FMR1: variants seen among roughly 807,000 people sequenced by gnomAD.
FMR1 encodes fragile X messenger ribonucleoprotein 1, also known as FMRP translational regulator 1.
A neutral mutation model predicts 50.6 loss-of-function variants in FMR1; 13 were observed. The observed-to-expected ratio is 0.26, with a 90% confidence interval of 0.17 to 0.41. The LOEUF (loss-of-function observed/expected upper bound fraction) is 0.41, where lower values mean the gene tolerates loss of function less well. Ranked by LOEUF, FMR1 falls within the 10% of genes least tolerant of loss-of-function variation. The pLI, the probability that FMR1 is intolerant of heterozygous loss-of-function variation, is 1.00. For missense variants in FMR1, 316 were observed against 491.3 expected, an observed-to-expected ratio of 0.64 and a Z score of 3.37; for synonymous variants, 138 against 164.1, an observed-to-expected ratio of 0.84 and a Z score of 1.22.
intron 1 of FMR1, among the ~76,000 whole-genome samples, chrX:147,917,660 A>G (rs1283998164): frequency 1.2e-4 from 13 of 112,025 alleles, no homozygotes; most frequent in African/African-American, 4.2e-4. Flanking sequence ...TCCAAATGCA[A>G]AAACATTTAT....
intron 1 of FMR1, among the ~76,000 whole-genome samples, chrX:147,920,297 G>C (rs2043095862): frequency 9.0e-6 from 1 of 111,474 alleles, no homozygotes; most frequent in African/African-American, 3.3e-5. Context: ...GAATTGTCTT[G>C]GCTTCTTTGT....
chrX:147,923,060 T>C (rs2043241504), intron 2 of FMR1, among the ~76,000 whole-genome samples: 1 of 112,112 alleles, frequency 8.9e-6, no homozygotes, highest in Non-Finnish European at 1.9e-5. Context: ...CACATCTTGC[T>C]TCTAAAGTTT....
intron 9 of FMR1, 71 bp from the exon 10 acceptor site, chrX:147,936,433 T>C (rs2043793551): frequency 1.6e-6 from 1 of 633,661 alleles, no homozygotes; most frequent in South Asian, 2.3e-5. Context: ...TGTAATAGTT[T>C]ACAGTAGGGC....
At chrX:147,926,280 T>G (rs782505258) in intron 3 of FMR1, among the ~76,000 whole-genome samples, 1 of 111,709 alleles carries the variant, frequency 9.0e-6, no homozygotes, top group East Asian at 2.8e-4. Flanking sequence ...TCATATAGTT[T>G]GTGTGGTATC....
In FMR1 at chrX:147,937,469, A is replaced by G; in HGVS notation, c.994A>G (p.Ile332Val). The G allele has an allele frequency of 8.4e-7, 1 of 1,196,307 alleles. No individual in the cohort carries two copies. Among genetic ancestry groups the G allele is most frequent in the Non-Finnish European group, 1.1e-6 (1 of 881,828 alleles). Reference sequence around the variant, plus strand: ...GTGTTTTCTGTTTTTTACCAAGGAAATTATGCCACCAAATTCCCTTCCTTC... The same window carrying G: ...GTGTTTTCTGTTTTTTACCAAGGAAGTTATGCCACCAAATTCCCTTCCTTC... ...NEKNVPQEEE[I>V]MPPNSLPSNN... Residue 332 changes from isoleucine (I) to valine (V), a missense_variant, in exon 11 of 17, where the codon ATT (isoleucine) becomes GTT (valine). By Grantham distance (29) the Ile-to-Val change is conservative (BLOSUM62 3). This residue lies in a region of FMR1 where 53 missense variants were observed against 51.5 expected (regional missense o/e 1.03). Transcript: ENST00000370475.
rs139271518 is a variant in FMR1, at chrX:147,946,457, G to A, written c.1737+841G>A. On this transcript the variant is annotated intron_variant, in intron 16 of 16. Coordinates refer to ENST00000370475, the MANE Select transcript of FMR1 (RefSeq NM_002024.6). ...TAGTCCGAGGATCTCTTCTCAATTG[G>A]CTGTCACCAGTGCTAAACCAATTGT... 5.3e-5 allele frequency among the ~76,000 whole-genome samples: 6 copies of A among 112,225 alleles called. No homozygotes were observed. The East Asian group carries it at 1.7e-3, about 31-fold the overall frequency.
At chrX:147,937,633 C>T in intron 11 of FMR1, 33 bp downstream of exon 11, 1 of 693,048 alleles carries the variant, frequency 1.4e-6, no homozygotes, top group Non-Finnish European at 2.4e-6. Flanking sequence ...AATTACAATA[C>T]AAGTAATTTG....
Position 147,949,689 on chromosome X carries a change from G to C in FMR1, c.*845G>C, listed in dbSNP as rs2044275404. 2 of 327,606 alleles carry C rather than the reference G, an allele frequency of 6.1e-6. No homozygotes were observed. Among genetic ancestry groups the C allele is most frequent in the African/African-American group, 2.7e-5 (1 of 37,542 alleles). The allele number at this position is 327,606 out of a possible 1,213,427, so 27.0% of individuals were successfully genotyped here. On this transcript the variant is annotated 3_prime_UTR_variant, in exon 17 of 17. Transcript: ENST00000370475. Reference sequence around the variant, plus strand: ...AAGAAAGAACTATCTTCATCTGAGAGAGGCTAAAATGTTTTCAGCTAGGAA... The same window carrying C: ...AAGAAAGAACTATCTTCATCTGAGACAGGCTAAAATGTTTTCAGCTAGGAA...
At chrX:147,917,904 A>G (rs991687884) in intron 1 of FMR1, among the ~76,000 whole-genome samples, 1 of 111,609 alleles carries the variant, frequency 9.0e-6, no homozygotes, top group Admixed American at 9.5e-5. Context: ...ACCGTTAACC[A>G]CTAAGTACAC....
In FMR1 at chrX:147,925,600, T is replaced by C; in HGVS notation, c.165T>C (p.Tyr55=). The change falls in exon 3 of 17, where the codon TAT becomes TAC. Residue 55 remains tyrosine, a synonymous_variant. Transcript: ENST00000370475. ...HDVRFPPPVG[Y]NKDINESDEV... ...TCAGATTCCCACCTCCTGTAGGTTATAATAAAGATATAAATGAAAGTGATG... is the reference window on the plus strand; with the variant it reads ...TCAGATTCCCACCTCCTGTAGGTTACAATAAAGATATAAATGAAAGTGATG... 8.3e-7 allele frequency: 1 copy of C among 1,201,010 alleles called. No homozygotes were observed. The highest frequency in any genetic ancestry group is 1.1e-6 in the Non-Finnish European group (1 of 885,704).
At chrX:147,940,160 CAAAAA>C (rs782591628) in intron 12 of FMR1, 3 of 31,914 alleles carry the variant, frequency 9.4e-5, no homozygotes, top group South Asian at 1.5e-3. Context: ...GACTCCGTCT[CAAAAA>C]AAAAAAAAAA....
chrX:147,935,036 T>G (rs2043742834), intron 9 of FMR1, among the ~76,000 whole-genome samples: 2 of 112,107 alleles, frequency 1.8e-5, no homozygotes, highest in Admixed American at 1.9e-4. Context: ...GATATTATCT[T>G]AATAAAAACA....
rs1265219382 is a variant in FMR1 at position 147,932,561 on chromosome X, A to G, written c.767A>G (p.Asp256Gly). The G allele has an allele frequency of 1.7e-6, 2 of 1,210,336 alleles. No homozygotes were observed. Among genetic ancestry groups the G allele is most frequent in the Non-Finnish European group, 2.2e-6 (2 of 894,195 alleles). Residue 256 changes from aspartate to glycine, a missense_variant, in exon 8 of 17, where the codon GAT becomes GGT. Transcript: ENST00000370475. ...CCTGGGGTCACTGCTATTGATCTAG[A>G]TGAAGATACCTGCACATTTCATATT... is the stretch of plus-strand genomic sequence containing the variant. ...KVPGVTAIDL[D>G]EDTCTFHIYG...
At chrX:147,931,329 C>T (rs182043309) in intron 7 of FMR1, among the ~76,000 whole-genome samples, 65 of 111,751 alleles carry the variant, frequency 5.8e-4, no homozygotes, top group Non-Finnish European at 1.1e-3. Flanking sequence ...TGAAAAAGAA[C>T]GAACCAGATT....
intron 13 of FMR1, among the ~76,000 whole-genome samples, chrX:147,940,988 C>T (rs1292162243): frequency 2.7e-5 from 3 of 111,671 alleles, no homozygotes; most frequent in Admixed American, 9.5e-5. Context: ...TTTTTCCAGA[C>T]AAAAATCTGT....
intron 1 of FMR1, among the ~76,000 whole-genome samples, chrX:147,919,977 C>T (rs1194213145): frequency 8.9e-5 from 10 of 112,183 alleles, no homozygotes; most frequent in Admixed American, 7.5e-4. Context: ...AAACATGTAT[C>T]GGGCATGTTC....
chrX:147,945,814 A>C (rs2033794347), intron 16 of FMR1, 198 bp downstream of exon 16: 1 of 418,570 alleles, frequency 2.4e-6, no homozygotes, highest in Admixed American at 4.1e-5. Flanking sequence ...TTCTCTAGAG[A>C]ATATGCAGTC....
intron 14 of FMR1, 52 bp downstream of exon 14, chrX:147,943,378 C>G (rs782142242): frequency 6.9e-5 from 70 of 1,012,583 alleles, no homozygotes; most frequent in Non-Finnish European, 9.5e-5. Context: ...AGACTTATAG[C>G]TGCTAATCTC....
chrX:147,932,607 A>G lies in FMR1; in HGVS notation c.801+12A>G. On this transcript the variant is annotated intron_variant, in intron 8 of 16. Transcript: ENST00000370475. ...ATATTTATGGAGAGGTAAATATTTT[A>G]CTGCATAGTTTTTTTTTCCCCAAAC... 8.3e-7 allele frequency: 1 copy of G among 1,202,396 alleles called. No homozygotes were observed. The highest frequency in any genetic ancestry group is 1.1e-6 in the Non-Finnish European group (1 of 887,067).
Sources: gnomAD v4.1 joint callset for allele counts (sites outside exome capture counted in the v4.1 genomes callset) on GRCh38, gnomAD v4.1.1 for gene constraint, gnomAD v4.1.1 regional missense constraint, MANE v1.5 for transcripts, NCBI Gene and HGNC (gene_info 2026-07-23, HGNC 2026-07-21) for gene names.